Variants in PUS7 observed in about 807,000 individuals in gnomAD.
PUS7 encodes the protein pseudouridylate synthase 7 homolog.
Under a neutral mutation model 79.8 loss-of-function variants are expected in PUS7, and 48 were observed. The observed-to-expected ratio is 0.60, with a 90% confidence interval of 0.48 to 0.76. The LOEUF is 0.76. PUS7 is among the 30% of genes least tolerant of loss of function. PUS7 has a pLI of 0.00. For synonymous variants in PUS7, 286 were observed against 272.2 expected, an observed-to-expected ratio of 1.05 and a Z score of -0.50; for missense variants, 729 against 797.6, an observed-to-expected ratio of 0.91 and a Z score of 1.04.
chr7:105,496,147 A>T (rs1275918661), intron 5 of PUS7, among the ~76,000 whole-genome samples: 1 of 149,472 alleles, frequency 6.7e-6, no homozygotes, highest in Non-Finnish European at 1.5e-5. Flanking sequence ...AACAAGAGCG[A>T]GACTCCGTCT....
intron 5 of PUS7, among the ~76,000 whole-genome samples, chr7:105,496,226 T>TAGAGAGAGAGAGAG (rs1220535538): frequency 1.1e-3 from 88 of 81,124 alleles, no homozygotes; most frequent in Non-Finnish European, 1.4e-3. Context: ...TATATATATA[T>TAGAGAGAGAGAGAG]AGAGAGAGAG....
chr7:105,459,203 T>C lies in PUS7; in HGVS notation c.1814A>G (p.Asn605Ser), dbSNP rs1823314809. 1 of 1,611,902 alleles carries C rather than the reference T, an allele frequency of 6.2e-7. No individual in the cohort carries two copies. Among genetic ancestry groups the C allele is most frequent in the Non-Finnish European group, 8.5e-7 (1 of 1,178,688 alleles). The change falls in exon 15 of 16, where the codon AAC becomes AGC. Residue 605 changes from asparagine to serine, a missense_variant. By Grantham distance (46) the Asn-to-Ser change is conservative (BLOSUM62 1). Coordinates refer to ENST00000469408, the MANE Select transcript of PUS7 (RefSeq NM_019042.5). ...KIPLFNTDVD[N>S]LEGKTPPVFA... ...AACTGGTGGTGTCTTCCCTTCTAGGTTGTCCACATCTGTGTTGAAAAGTGG... is the reference window on the plus strand; with the variant it reads ...AACTGGTGGTGTCTTCCCTTCTAGGCTGTCCACATCTGTGTTGAAAAGTGG...
At chr7:105,476,096 C>T (rs1824097093) in intron 9 of PUS7, among the ~76,000 whole-genome samples, 1 of 144,952 alleles carries the variant, frequency 6.9e-6, no homozygotes, top group African/African-American at 2.6e-5. Flanking sequence ...TGCACTCCAG[C>T]CTGGGCGACA....
chr7:105,476,818 A>C lies in PUS7; in HGVS notation c.1175+4234T>G, dbSNP rs376355062. ...GCCTTCCCAACGGATATGAAGTGGT[A>C]CCTCGTGGTGGTTTCGATTTGTATC... On this transcript the variant is annotated intron_variant, in intron 9 of 15. Coordinates refer to ENST00000469408, the MANE Select transcript of PUS7 (RefSeq NM_019042.5). Among the ~76,000 whole-genome samples, 13 of 152,296 alleles carry C rather than the reference A, an allele frequency of 8.5e-5. No homozygotes were observed. The East Asian group carries it at 2.5e-3, about 29-fold the overall frequency.
intron 7 of PUS7, among the ~76,000 whole-genome samples, chr7:105,483,294 C>T (rs1267148329): frequency 6.6e-6 from 1 of 152,052 alleles, no homozygotes; most frequent in Non-Finnish European, 1.5e-5. Flanking sequence ...TCCCAAGTAG[C>T]TGGGCTTACA....
chr7:105,506,315 G>A (rs570741805), intron 2 of PUS7, 42 bp from the exon 3 acceptor site: 1 of 1,338,646 alleles, frequency 7.5e-7, no homozygotes, highest in South Asian at 1.2e-5. Flanking sequence ...TTAACATCCT[G>A]TTTTCTATTA....
At position 105,506,198 on chromosome 7, in the gene PUS7, C is replaced by G. The variant is rs1444874927; in HGVS notation, c.474G>C (p.Val158=). 5.0e-6 allele frequency: 8 copies of G among 1,610,972 alleles called. No homozygotes were observed. Among genetic ancestry groups the G allele is most frequent in the Non-Finnish European group, 5.9e-6 (7 of 1,178,536 alleles). ...AAAGAGCTACTTCTACCTCCTCATCCACTGGAATGGACAAGTCATTCAAAT... is the reference window on the plus strand; with the variant it reads ...AAAGAGCTACTTCTACCTCCTCATCGACTGGAATGGACAAGTCATTCAAAT... ...ISHLNDLSIP[V]DEEDPSEDIF... Residue 158 remains valine, a synonymous_variant, in exon 3 of 16, where the codon GTG becomes GTC. Coordinates refer to ENST00000469408, the MANE Select transcript of PUS7 (RefSeq NM_019042.5).
chr7:105,478,104 C>T (rs183186608), intron 9 of PUS7, among the ~76,000 whole-genome samples: 2 of 152,314 alleles, frequency 1.3e-5, no homozygotes, highest in South Asian at 2.1e-4. Context: ...CCCCTGTGCC[C>T]TGCCTACTTA....
In PUS7 at chr7:105,468,524, T is replaced by C; in HGVS notation, c.1399-61A>G. 4 of 1,229,236 alleles carry C rather than the reference T, an allele frequency of 3.3e-6. No homozygotes were observed. The South Asian group carries it at 5.2e-5, about 16-fold the overall frequency. The allele number at this position is 1,229,236 out of a possible 1,614,324, so 76.1% of individuals were successfully genotyped here. ...TTCTAAATATAAAAAGTGCTGTACT[T>C]TTTTTTTTTTTGAGATGGGGTCTTG... On this transcript the variant is annotated intron_variant, in intron 11 of 15. Coordinates refer to ENST00000469408, the MANE Select transcript of PUS7 (RefSeq NM_019042.5).
intron 7 of PUS7, among the ~76,000 whole-genome samples, chr7:105,483,649 C>T (rs1295753243): frequency 2.0e-5 from 3 of 151,714 alleles, no homozygotes; most frequent in Non-Finnish European, 2.9e-5. Flanking sequence ...CATGCCACCA[C>T]ACCTGGCTAT....
intron 9 of PUS7, among the ~76,000 whole-genome samples, chr7:105,476,593 T>A (rs1200385886): frequency 6.6e-6 from 1 of 151,878 alleles, no homozygotes; most frequent in Non-Finnish European, 1.5e-5. Context: ...CTTGACCTCG[T>A]GATCTACCCA....
intron 7 of PUS7, among the ~76,000 whole-genome samples, chr7:105,486,596 A>T (rs754066886): frequency 9.9e-5 from 15 of 152,156 alleles, no homozygotes; most frequent in Non-Finnish European, 1.8e-4. Context: ...GGAACGGGGG[A>T]CAAAACTCCT....
At chr7:105,502,258 C>T (rs1042440527) in intron 5 of PUS7, among the ~76,000 whole-genome samples, 162 bp downstream of exon 5, 3 of 152,292 alleles carry the variant, frequency 2.0e-5, no homozygotes, top group African/African-American at 7.2e-5. Flanking sequence ...GCGCTGGCAT[C>T]TGAAGTGACA....
chr7:105,505,867 A>T, intron 4 of PUS7, 88 bp downstream of exon 4: 1 of 1,053,278 alleles, frequency 9.5e-7, no homozygotes, highest in Non-Finnish European at 1.4e-6. Flanking sequence ...TTTGTTAACC[A>T]TTGTAATTTT....
intron 9 of PUS7, among the ~76,000 whole-genome samples, chr7:105,475,163 C>G (rs771159559): frequency 6.6e-6 from 1 of 152,078 alleles, no homozygotes; most frequent in Admixed American, 6.6e-5. Context: ...GCTGTACTAT[C>G]TAGCACGCTG....
At chr7:105,517,945 C>T (rs988669200) in intron 1 of PUS7, among the ~76,000 whole-genome samples, 1 of 152,116 alleles carries the variant, frequency 6.6e-6, no homozygotes, top group African/African-American at 2.4e-5. Context: ...GTCAAAAGTT[C>T]GAAATCAGCC....
At chr7:105,503,106 T>C (rs1239444871) in intron 4 of PUS7, among the ~76,000 whole-genome samples, 3 of 152,206 alleles carry the variant, frequency 2.0e-5, no homozygotes, top group African/African-American at 7.2e-5. Context: ...TCATTTTATT[T>C]AATCTTTGTA....
chr7:105,519,995 TAA>T (rs1826042082), intron 1 of PUS7, among the ~76,000 whole-genome samples: 1 of 152,178 alleles, frequency 6.6e-6, no homozygotes, highest in Non-Finnish European at 1.5e-5. Flanking sequence ...GCTGCTTCAT[TAA>T]TACAGTACAT....
intron 4 of PUS7, 122 bp from the exon 5 acceptor site, chr7:105,502,686 C>T: frequency 9.4e-7 from 1 of 1,067,692 alleles, no homozygotes; most frequent in Non-Finnish European, 1.4e-6. Context: ...AAAGTGCCTG[C>T]ATACGATTTC....
Sources: allele counts gnomAD v4.1 joint callset (sites outside exome capture counted in the v4.1 genomes callset), GRCh38; gene constraint gnomAD v4.1.1; transcripts MANE v1.5; gene names NCBI Gene and HGNC (gene_info 2026-07-23, HGNC 2026-07-21).